UBAP1: variants seen among roughly 807,000 people sequenced by gnomAD.
The protein encoded by UBAP1 is ubiquitin-associated protein 1.
In UBAP1, 5 loss-of-function variants were observed where a neutral mutation model predicts 39.0. That is an observed-to-expected ratio of 0.13 (90% confidence interval 0.07 to 0.27). UBAP1 has a LOEUF of 0.27. Among genes scored for constraint, UBAP1 ranks in the 10% least tolerant of loss-of-function variants. The probability of loss-of-function intolerance (pLI) is 1.00; values close to 1 mark genes in which losing one functional copy is unlikely to be tolerated. For synonymous variants in UBAP1, 211 were observed against 225.1 expected (o/e 0.94, Z 0.56); for missense variants, 490 against 608.1 (o/e 0.81, Z 2.04).
intron 2 of UBAP1, among the ~76,000 whole-genome samples, chr9:34,231,127 ATGTGTGTGTGTGTGTGTGTGTGTG>A (rs6150983): frequency 2.9e-5 from 4 of 137,122 alleles, no homozygotes; most frequent in South Asian, 2.4e-4. Flanking sequence ...TAAAAAAATT[ATGTGTGTGTGTGTGTGTGTGTGTG>A]TGTGTGTGTG....
At chr9:34,250,278 A>G (rs564825501) in intron 5 of UBAP1, among the ~76,000 whole-genome samples, 1 of 152,312 alleles carries the variant, frequency 6.6e-6, no homozygotes, top group East Asian at 1.9e-4. Context: ...AGGAATTTTC[A>G]TCCTGTCATC....
chr9:34,199,439 C>T (rs866345755), intron 1 of UBAP1, among the ~76,000 whole-genome samples: 1 of 152,086 alleles, frequency 6.6e-6, no homozygotes, highest in African/African-American at 2.4e-5. Context: ...TTTAGATTTA[C>T]AGAACATTTG....
intron 2 of UBAP1, among the ~76,000 whole-genome samples, chr9:34,229,220 A>C (rs753203469): frequency 3.3e-5 from 5 of 152,022 alleles, no homozygotes; most frequent in Admixed American, 6.6e-5. Flanking sequence ...TGCTACGTGA[A>C]AGGTAGGCAA....
chr9:34,211,924 A>T, intron 1 of UBAP1: 1 of 353,518 alleles, frequency 2.8e-6, no homozygotes, highest in Non-Finnish European at 5.7e-6. Context: ...CTGAAGTGAT[A>T]CTGAGCTGGA....
chr9:34,217,785 T>TTC (rs1832417605), intron 1 of UBAP1, among the ~76,000 whole-genome samples: 1 of 92,492 alleles, frequency 1.1e-5, no homozygotes, highest in Non-Finnish European at 2.2e-5. Context: ...ATTTCGTTCT[T>TTC]TTTTTTTTTT....
At chr9:34,242,578 G>A (rs1834014983) in intron 4 of UBAP1, among the ~76,000 whole-genome samples, 1 of 152,152 alleles carries the variant, frequency 6.6e-6, no homozygotes, top group South Asian at 2.1e-4. Flanking sequence ...CGCCCAGGCT[G>A]GAGTGCAGTG....
intron 1 of UBAP1, among the ~76,000 whole-genome samples, chr9:34,182,079 C>CAGCT (rs1380154263): frequency 4.7e-5 from 7 of 149,906 alleles, no homozygotes; most frequent in African/African-American, 1.7e-4. Context: ...GAGGCATGAG[C>CAGCT]AGCTAGTGCA....
Position 34,196,058 on chromosome 9 carries a change from CAA to C in UBAP1, c.-8+16820_-8+16821del, listed in dbSNP as rs551505285. Reference sequence around the variant, plus strand: ...AGTCTCCTGAGTAGCTGCAACTACACAAACACGCTACCATGTCTGGCTCCATA... The same window carrying C: ...AGTCTCCTGAGTAGCTGCAACTACACACACGCTACCATGTCTGGCTCCATA... On this transcript the variant is annotated intron_variant, in intron 1 of 6. Coordinates refer to ENST00000297661, the MANE Select transcript of UBAP1 (RefSeq NM_016525.5). Among the ~76,000 whole-genome samples the C allele has an allele frequency of 3.8e-3, 542 of 142,450 alleles. 2 individuals carry two copies. Among genetic ancestry groups the C allele is most frequent in the African/African-American group, 0.014 (528 of 38,640 alleles). 93.5% of individuals were successfully genotyped at this position (142,450 alleles called of 152,430 possible).
At chr9:34,188,995 C>T (rs1030507319) in intron 1 of UBAP1, among the ~76,000 whole-genome samples, 2 of 151,770 alleles carry the variant, frequency 1.3e-5, no homozygotes, top group African/African-American at 4.8e-5. Context: ...GCTGGCTTTG[C>T]CTGTCTTTTG....
intron 1 of UBAP1, 121 bp downstream of exon 1, chr9:34,179,361 G>A: frequency 4.0e-6 from 3 of 757,654 alleles, no homozygotes; most frequent in Non-Finnish European, 5.4e-6. Context: ...CCGGAGCTAG[G>A]AGGTGGGAGG....
intron 2 of UBAP1, among the ~76,000 whole-genome samples, chr9:34,232,463 T>C (rs1031850671): frequency 3.3e-5 from 5 of 152,202 alleles, no homozygotes; most frequent in African/African-American, 1.2e-4. Context: ...AATTACTAAA[T>C]TGATCACAGT....
chr9:34,212,425 A>T (rs931650191), intron 1 of UBAP1, among the ~76,000 whole-genome samples: 3 of 139,178 alleles, frequency 2.2e-5, no homozygotes, highest in South Asian at 2.4e-4. Flanking sequence ...ACACACACAC[A>T]CTTATAGTTA....
intron 1 of UBAP1, 31 bp downstream of exon 1, chr9:34,179,271 AAGAGGGGCGGAGTTGGGGGAGGGGGG>A: frequency 4.8e-6 from 1 of 209,436 alleles, no homozygotes; most frequent in Non-Finnish European, 6.0e-6. Flanking sequence ...GGGGAGGGGG[AAGAGGGGCGGAGTTGGGGGAGGGGGG>A]CTGGTACTGG....
intron 1 of UBAP1, among the ~76,000 whole-genome samples, chr9:34,210,074 G>A (rs1448284036): frequency 1.3e-5 from 2 of 152,068 alleles, no homozygotes; most frequent in East Asian, 3.8e-4. Context: ...GGGTGCTTAG[G>A]AAAATCTGAA....
At chr9:34,230,887 A>G (rs1383074011) in intron 2 of UBAP1, among the ~76,000 whole-genome samples, 3 of 152,100 alleles carry the variant, frequency 2.0e-5, no homozygotes, top group Non-Finnish European at 4.4e-5. Context: ...CATATTAAAT[A>G]TAAGTTGGAA....
intron 1 of UBAP1, among the ~76,000 whole-genome samples, chr9:34,192,066 A>T (rs1830756270): frequency 6.6e-6 from 1 of 151,130 alleles, no homozygotes. Flanking sequence ...TTAGTCTCTA[A>T]TTCCTGACCT....
chr9:34,209,059 C>T (rs1184650938), intron 1 of UBAP1, among the ~76,000 whole-genome samples: 11 of 151,916 alleles, frequency 7.2e-5, no homozygotes, highest in African/African-American at 1.4e-4. Flanking sequence ...CTCAGCCTCC[C>T]GTGTAGCTGG....
At chr9:34,211,922 A>AT in intron 1 of UBAP1, 3 of 353,190 alleles carry the variant, frequency 8.5e-6, no homozygotes, top group Non-Finnish European at 1.7e-5. Flanking sequence ...AACTGAAGTG[A>AT]TACTGAGCTG....
chr9:34,202,865 A>G (rs919387529), intron 1 of UBAP1, among the ~76,000 whole-genome samples: 1 of 152,056 alleles, frequency 6.6e-6, no homozygotes, highest in Non-Finnish European at 1.5e-5. Context: ...TATCCTACCT[A>G]TAGAAAATGA....
Sources: gnomAD v4.1 joint callset for allele counts (sites outside exome capture counted in the v4.1 genomes callset) on GRCh38, gnomAD v4.1.1 for gene constraint, MANE v1.5 for transcripts, NCBI Gene and HGNC (gene_info 2026-07-23, HGNC 2026-07-21) for gene names.